Variants in CORO2B observed in about 807,000 individuals in gnomAD.
The protein encoded by CORO2B is coronin-2B.
Under a neutral mutation model 58.8 loss-of-function variants are expected in CORO2B, and 26 were observed. That is an observed-to-expected ratio of 0.44 (90% CI 0.32 to 0.61). The LOEUF (loss-of-function observed/expected upper bound fraction) is 0.61. Ranked by LOEUF, CORO2B falls within the 20% of genes least tolerant of loss-of-function variation. The pLI is 0.04. For missense variants in CORO2B, 460 were observed against 645.1 expected (o/e 0.71, Z 3.11); for synonymous variants, 242 against 253.8 (o/e 0.95, Z 0.44).
chr15:68,529,241 G>T, the CORO2B span, among the ~76,000 whole-genome samples: 2 of 152,252 alleles, frequency 1.3e-5, no homozygotes, highest in East Asian at 3.9e-4. Flanking sequence ...AATATGTTGG[G>T]AAGCATAAAT....
At chr15:68,527,123 A>C in the CORO2B span, among the ~76,000 whole-genome samples, 1 of 152,184 alleles carries the variant, frequency 6.6e-6, no homozygotes, top group African/African-American at 2.4e-5. Context: ...TCTTGGACTT[A>C]ACAGCCCCCA....
At chr15:68,695,906 G>A (rs1434290054) in intron 3 of CORO2B, among the ~76,000 whole-genome samples, 1 of 151,902 alleles carries the variant, frequency 6.6e-6, no homozygotes, top group Non-Finnish European at 1.5e-5. Context: ...GGAGGGAAAG[G>A]GGGAAAGAGA....
At chr15:68,697,130 A>G (rs796085600) in intron 3 of CORO2B, among the ~76,000 whole-genome samples, 4 of 151,948 alleles carry the variant, frequency 2.6e-5, no homozygotes, top group African/African-American at 9.6e-5. Flanking sequence ...TTGTGGATGG[A>G]TGGATGGATG....
intron 2 of CORO2B, among the ~76,000 whole-genome samples, chr15:68,692,912 G>T (rs1892418543): frequency 6.6e-6 from 1 of 152,028 alleles, no homozygotes; most frequent in Admixed American, 6.6e-5. Flanking sequence ...GGGATTACAG[G>T]CATGATCCAC....
chr15:68,671,883 A>C (rs1325422502), intron 2 of CORO2B, among the ~76,000 whole-genome samples: 1 of 152,192 alleles, frequency 6.6e-6, no homozygotes, highest in Non-Finnish European at 1.5e-5. Flanking sequence ...TACACAAGGC[A>C]TGTATACTAG....
chr15:68,548,584 G>A, the CORO2B span, among the ~76,000 whole-genome samples: 1 of 152,096 alleles, frequency 6.6e-6, no homozygotes, highest in Admixed American at 6.6e-5. Context: ...GTTTCTCTAG[G>A]AATATATCTC....
chr15:68,607,220 G>A (rs938395896), intron 1 of CORO2B, among the ~76,000 whole-genome samples: 21 of 152,190 alleles, frequency 1.4e-4, no homozygotes, highest in African/African-American at 4.1e-4. Context: ...TCATCTGGAA[G>A]TGCCTTCACA....
intron 1 of CORO2B, among the ~76,000 whole-genome samples, chr15:68,624,902 C>T (rs969378468): frequency 6.6e-6 from 1 of 152,068 alleles, no homozygotes; most frequent in Non-Finnish European, 1.5e-5. Flanking sequence ...AGGCTGGTCT[C>T]GAACTCCTGA....
At chr15:68,571,790 C>A in the CORO2B span, among the ~76,000 whole-genome samples, 2 of 152,188 alleles carry the variant, frequency 1.3e-5, no homozygotes, top group South Asian at 4.1e-4. Flanking sequence ...CAAGAAGAGA[C>A]CCTGGCAACC....
intron 1 of CORO2B, among the ~76,000 whole-genome samples, chr15:68,598,659 G>C (rs1425985753): frequency 6.6e-5 from 10 of 152,170 alleles, no homozygotes; most frequent in Non-Finnish European, 2.9e-5. Flanking sequence ...ACTCTCCCCA[G>C]CTCCTCACTT....
intron 2 of CORO2B, among the ~76,000 whole-genome samples, chr15:68,652,444 C>T (rs971658669): frequency 1.3e-5 from 2 of 152,320 alleles, no homozygotes; most frequent in South Asian, 2.1e-4. Flanking sequence ...GCACTTCACC[C>T]GGACTGCCTG....
Position 68,614,353 on chromosome 15 carries a change from G to A in CORO2B, c.16-30807G>A, listed in dbSNP as rs546650870. Among the ~76,000 whole-genome samples the A allele has an allele frequency of 1.6e-3, 249 of 152,232 alleles. 1 individual carries two copies. Among genetic ancestry groups the A allele is most frequent in the African/African-American group, 5.7e-3 (238 of 41,534 alleles). The stretch of plus-strand genomic sequence containing the variant: ...GTATTATCACATAAAATTGTGCATC[G>A]CTTCTTTTACGAAGTACCTGGGAGG... On this transcript the variant is annotated intron_variant, in intron 1 of 11. Coordinates refer to ENST00000261861, the MANE Select transcript of CORO2B (RefSeq NM_006091.5).
At chr15:68,677,800 A>T (rs146016935) in intron 2 of CORO2B, among the ~76,000 whole-genome samples, 3 of 152,032 alleles carry the variant, frequency 2.0e-5, no homozygotes, top group Non-Finnish European at 2.9e-5. Flanking sequence ...CTCTCCTGAT[A>T]TGTCTGTTCC....
At chr15:68,559,525 C>T in the CORO2B span, 1 of 902,976 alleles carries the variant, frequency 1.1e-6, no homozygotes. This position sits in a 1 kb window ranked among gnomAD's most constrained non-coding sequence, Gnocchi z 4.3. Context: ...GAGGGGGTAG[C>T]GGGGAGGGCG....
At chr15:68,533,875 C>T in the CORO2B span, among the ~76,000 whole-genome samples, 1 of 152,116 alleles carries the variant, frequency 6.6e-6, no homozygotes, top group South Asian at 2.1e-4. Flanking sequence ...GTCATTTTCC[C>T]ATCACAGCCC....
At chr15:68,639,016 G>T (rs942872569) in intron 1 of CORO2B, among the ~76,000 whole-genome samples, 1 of 152,234 alleles carries the variant, frequency 6.6e-6, no homozygotes. Flanking sequence ...AGACAGGGCT[G>T]CGTGACCAGA....
intron 2 of CORO2B, among the ~76,000 whole-genome samples, chr15:68,679,986 A>G (rs1902724124): frequency 6.6e-6 from 1 of 152,130 alleles, no homozygotes; most frequent in African/African-American, 2.4e-5. Flanking sequence ...CATGACTTCC[A>G]TGGGGACAGT....
chr15:68,519,332 G>A, the CORO2B span, among the ~76,000 whole-genome samples: 3 of 152,148 alleles, frequency 2.0e-5, no homozygotes, highest in African/African-American at 7.2e-5. Flanking sequence ...TAGGGCAAAA[G>A]TCATATCTGA....
At chr15:68,714,765 C>T (rs1014273027) in intron 7 of CORO2B, 102 bp downstream of exon 7, 3 of 867,936 alleles carry the variant, frequency 3.5e-6, no homozygotes, top group Non-Finnish European at 5.6e-6. Flanking sequence ...CCAGCCTAAC[C>T]TTCCAAGTTC....
Sources: allele counts gnomAD v4.1 joint callset (sites outside exome capture counted in the v4.1 genomes callset), GRCh38; gene constraint gnomAD v4.1.1; non-coding constraint Gnocchi (gnomAD v3.1); transcripts MANE v1.5; gene names NCBI Gene and HGNC (gene_info 2026-07-23, HGNC 2026-07-21).